The following DHDH variants were observed in gnomAD, a reference collection of about 807,000 sequenced individuals.
The protein encoded by DHDH is dihydrodiol dehydrogenase, also known as trans-1,2-dihydrobenzene-1,2-diol dehydrogenase.
Under a neutral mutation model 33.2 loss-of-function variants are expected in DHDH, and 29 were observed. The ratio of observed to expected loss-of-function variants is 0.87; its 90% CI spans 0.65 to 1.19. The LOEUF (loss-of-function observed/expected upper bound fraction) is 1.19. Among genes scored for constraint, DHDH ranks in the 50% most tolerant of loss-of-function variants. The pLI is 0.00. For missense variants in DHDH, 431 were observed against 455.0 expected (o/e 0.95, Z 0.48); for synonymous variants, 201 against 187.9 (o/e 1.07, Z -0.57).
rs749713686 is a variant in DHDH at position 48,942,582 on chromosome 19, C to T, written c.744+18C>T. On this transcript the variant is annotated intron_variant, in intron 5 of 6. Transcript: ENST00000221403. Reference sequence around the variant, plus strand: ...TGGTACAGGTGAGGCATGGCGGGCCCAAGCGCTGGGGATCGTGCCCCTAAA... The same window carrying T: ...TGGTACAGGTGAGGCATGGCGGGCCTAAGCGCTGGGGATCGTGCCCCTAAA... The T allele has an allele frequency of 1.3e-5, 21 of 1,606,330 alleles. No homozygotes were observed. In the Admixed American group the frequency reaches 1.7e-4, roughly 13 times the overall value.
At chr19:48,939,280 A>G (rs1010311633) in intron 3 of DHDH, among the ~76,000 whole-genome samples, 169 bp from the exon 4 acceptor site, 1 of 150,944 alleles carries the variant, frequency 6.6e-6, no homozygotes, top group Non-Finnish European at 1.5e-5. Context: ...TCTCTATTCA[A>G]AAAAAAAAGA....
Position 48,938,645 on chromosome 19 carries a change from ATT to A in DHDH, c.367-788_367-787del, listed in dbSNP as rs36006562. Among the ~76,000 whole-genome samples, 348 of 128,972 alleles carry A rather than the reference ATT, an allele frequency of 2.7e-3. 1 individual carries two copies. The highest frequency in any genetic ancestry group is 9.5e-3 in the African/African-American group (317 of 33,398). The allele number at this position is 128,972 out of a possible 152,430, so 84.6% of individuals were successfully genotyped here. A position where few individuals can be genotyped will look rare whatever the true frequency, so the allele number is the denominator to read the frequency against. On this transcript the variant is annotated intron_variant, in intron 3 of 6. Transcript: ENST00000221403. Reference sequence around the variant, plus strand: ...GATAAGGGCCCACCCTAATGACCTCATTTTTTTTTTTTTTTTTGAGTTGGAGT... The same window carrying A: ...GATAAGGGCCCACCCTAATGACCTCATTTTTTTTTTTTTTTGAGTTGGAGT...
intron 3 of DHDH, among the ~76,000 whole-genome samples, chr19:48,938,377 A>G (rs2037809735): frequency 6.6e-6 from 1 of 151,964 alleles, no homozygotes; most frequent in Admixed American, 6.6e-5. Context: ...GGTTACAGGC[A>G]TGAGCCACAG....
chr19:48,936,057 C>T lies in DHDH; in HGVS notation c.228C>T (p.His76=). The change falls in exon 3 of 7, where the codon CAC becomes CAT. Residue 76 remains histidine, a synonymous_variant. Coordinates refer to ENST00000221403, the MANE Select transcript of DHDH (RefSeq NM_014475.4). ...SVEVAYIGTQ[H]PQHKAAVMLC... is the part of the protein sequence containing the mutation. The stretch of plus-strand genomic sequence containing the variant: ...AGGTGGCCTACATTGGCACCCAGCA[C>T]CCCCAGCACAAGGCGGCGGTGATGC... 1.9e-6 allele frequency: 3 copies of T among 1,607,120 alleles called. No individual in the cohort carries two copies. Among genetic ancestry groups the T allele is most frequent in the Non-Finnish European group, 8.5e-7 (1 of 1,177,578 alleles).
In DHDH at chr19:48,939,435, C is replaced by G. The variant is rs755465801; in HGVS notation, c.367-14C>G. ...TAGAACTGGTTGGTTAACTCCTTTC[C>G]TTGTGGTCTGCAGGCCATCTGGACC... On this transcript the variant is annotated splice_polypyrimidine_tract_variant and intron_variant, in intron 3 of 6. Transcript: ENST00000221403. 25 of 1,605,994 alleles carry G rather than the reference C, an allele frequency of 1.6e-5. No individual in the cohort carries two copies. The highest frequency in any genetic ancestry group is 2.0e-5 in the Non-Finnish European group (24 of 1,174,138).
At chr19:48,938,954 G>A (rs1439699692) in intron 3 of DHDH, among the ~76,000 whole-genome samples, 12 of 149,918 alleles carry the variant, frequency 8.0e-5, no homozygotes, top group Admixed American at 5.3e-4. Flanking sequence ...GTGAGCCACC[G>A]TGCCCAGCCT....
chr19:48,941,235 C>A (rs1181508744), intron 4 of DHDH, among the ~76,000 whole-genome samples: 1 of 152,136 alleles, frequency 6.6e-6, no homozygotes. Context: ...GCCTCTCCAG[C>A]TGGCTAGATA....
Position 48,933,753 on chromosome 19 carries a change from G to A in DHDH, c.32G>A (p.Gly11Asp), listed in dbSNP as rs955737648. The change falls in exon 1 of 7, where the codon GGC becomes GAC. Residue 11 changes from glycine to aspartate, a missense_variant. Physicochemically the swap from Gly to Asp is moderately conservative, Grantham distance 94. Coordinates refer to ENST00000221403, the MANE Select transcript of DHDH (RefSeq NM_014475.4). The stretch of plus-strand genomic sequence containing the variant: ...CTGCGCTGGGGCATCGTGTCTGTCG[G>A]CCTCATCTCCAGCGACTTCACAGCC... MALRWGIVSV[G>D]LISSDFTAVL... 3.1e-6 allele frequency: 5 copies of A among 1,613,362 alleles called. No individual in the cohort carries two copies. The highest frequency in any genetic ancestry group is 4.2e-6 in the Non-Finnish European group (5 of 1,180,036).
At chr19:48,937,144 C>T (rs1197308543) in intron 3 of DHDH, among the ~76,000 whole-genome samples, 1 of 143,468 alleles carries the variant, frequency 7.0e-6, no homozygotes, top group East Asian at 2.1e-4. Flanking sequence ...TGTAAAGTCA[C>T]ACATTCACAG....
At chr19:48,935,826 A>T (rs2037764934) in intron 2 of DHDH, among the ~76,000 whole-genome samples, 1 of 152,090 alleles carries the variant, frequency 6.6e-6, no homozygotes, top group African/African-American at 2.4e-5. Flanking sequence ...CAAAAAAAAA[A>T]TTAATTAATT....
intron 2 of DHDH, among the ~76,000 whole-genome samples, chr19:48,935,737 A>T (rs2037762770): frequency 6.6e-6 from 1 of 151,500 alleles, no homozygotes; most frequent in African/African-American, 2.4e-5. Flanking sequence ...GAATGGCGTG[A>T]ACCTGGGAGG....
At chr19:48,944,709 C>T in intron 6 of DHDH, 115 bp from the exon 7 acceptor site, 1 of 1,181,556 alleles carries the variant, frequency 8.5e-7, no homozygotes, top group Non-Finnish European at 1.2e-6. Flanking sequence ...GGAACCCCTG[C>T]AGCATCCATC....
chr19:48,933,622 C>A (rs1041084904), upstream of DHDH: 26 of 1,101,116 alleles, frequency 2.4e-5, no homozygotes, highest in African/African-American at 3.4e-4. Flanking sequence ...AGGCGCAATA[C>A]GGGCGGAGGA....
intron 4 of DHDH, 120 bp from the exon 5 acceptor site, chr19:48,942,320 G>C (rs934977227): frequency 4.4e-6 from 5 of 1,140,488 alleles, no homozygotes; most frequent in Non-Finnish European, 5.9e-6. Flanking sequence ...TCATTCTTTT[G>C]CCTTGCCATG....
rs1319103690 is a variant in DHDH, at chr19:48,939,492, C to T, written c.410C>T (p.Ser137Phe). The T allele has an allele frequency of 6.2e-7, 1 of 1,613,858 alleles. No individual in the cohort carries two copies. The highest frequency in any genetic ancestry group is 8.5e-7 in the Non-Finnish European group (1 of 1,179,864). ...RFFPASEALRSVLAQGTLGDL... is the reference protein window; with the variant it reads ...RFFPASEALRFVLAQGTLGDL... ...TTTCCTGCCTCCGAGGCTCTGAGGT[C>T]TGTTTTGGCCCAGGGAACTCTAGGA... Residue 137 changes from serine (S) to phenylalanine (F), a missense_variant, in exon 4 of 7, where the codon TCT becomes TTT. Coordinates refer to ENST00000221403, the MANE Select transcript of DHDH (RefSeq NM_014475.4).
chr19:48,935,861 C>G (rs570193190), intron 2 of DHDH, among the ~76,000 whole-genome samples, 171 bp from the exon 3 acceptor site: 3 of 152,036 alleles, frequency 2.0e-5, no homozygotes, highest in Admixed American at 2.0e-4. Flanking sequence ...AAAAAGAGAG[C>G]GAGAATGGCG....
upstream of DHDH, chr19:48,933,619 A>G (rs1431591321): frequency 7.4e-6 from 8 of 1,074,314 alleles, no homozygotes; most frequent in Admixed American, 1.8e-5. Context: ...CGTAGGCGCA[A>G]TACGGGCGGA....
Position 48,939,695 on chromosome 19 carries a change from G to T in DHDH, c.613G>T (p.Glu205Ter). Residue 205 changes from glutamate to a stop codon, truncating the protein, a stop_gained, in exon 4 of 7, where the codon GAA becomes TAA. Coordinates refer to ENST00000221403, the MANE Select transcript of DHDH (RefSeq NM_014475.4). LOFTEE classifies it high-confidence loss of function. Reference sequence around the variant, plus strand: ...GATTTCTGTCGTGGGAAGGCGTCATGAAACAGGTACCATCTATCCTGGAAT... The same window carrying T: ...GATTTCTGTCGTGGGAAGGCGTCATTAAACAGGTACCATCTATCCTGGAAT... ...EKISVVGRRHETGVDDTVTVL... is the reference protein window; with the variant it reads ...EKISVVGRRH 6.3e-7 allele frequency: 1 copy of T among 1,599,424 alleles called. No homozygotes were observed. The highest frequency in any genetic ancestry group is 8.6e-7 in the Non-Finnish European group (1 of 1,169,376).
rs539240060 is a variant in DHDH at position 48,937,811 on chromosome 19, TAAAAAA to T, written c.367-1621_367-1616del. ...TGGACGACAAGAGCGAGACTGTCTT[TAAAAAA>T]AAAAAAAAAAAAAAAAGAAATTGCT... On this transcript the variant is annotated intron_variant, in intron 3 of 6. Coordinates refer to ENST00000221403, the MANE Select transcript of DHDH (RefSeq NM_014475.4). Among the ~76,000 whole-genome samples the T allele has an allele frequency of 5.4e-3, 690 of 127,234 alleles. 5 individuals are homozygous for T. The highest frequency in any genetic ancestry group is 0.014 in the African/African-American group (495 of 36,100). 83.5% of individuals were successfully genotyped at this position (127,234 alleles called of 152,430 possible).
Sources: allele counts gnomAD v4.1 joint callset (sites outside exome capture counted in the v4.1 genomes callset), GRCh38; gene constraint gnomAD v4.1.1; transcripts MANE v1.5; gene names NCBI Gene and HGNC (gene_info 2026-07-23, HGNC 2026-07-21).